The following MTA3 variants were observed in gnomAD, a reference collection of about 807,000 sequenced individuals.
MTA3 encodes metastasis-associated protein MTA3.
A neutral mutation model predicts 83.5 loss-of-function variants in MTA3; 34 were observed. The ratio of observed to expected loss-of-function variants is 0.41; its 90% CI spans 0.31 to 0.54. The LOEUF is 0.54. MTA3 is among the 20% of genes least tolerant of loss of function. The probability of loss-of-function intolerance (pLI) is 0.33; values close to 1 mark genes in which losing one functional copy is unlikely to be tolerated. For synonymous variants in MTA3, 303 were observed against 252.7 expected, an observed-to-expected ratio of 1.20 and a Z score of -1.89; for missense variants, 761 against 726.4, an observed-to-expected ratio of 1.05 and a Z score of -0.55.
At chr2:42,595,132 CAG>C (rs1380212625) in intron 3 of MTA3, among the ~76,000 whole-genome samples, 2 of 58,080 alleles carry the variant, frequency 3.4e-5, no homozygotes, top group African/African-American at 7.3e-5. Flanking sequence ...TTTTTTGAGA[CAG>C]AGTCCCGCTC....
intron 2 of MTA3, among the ~76,000 whole-genome samples, chr2:42,553,963 G>A (rs1268550413): frequency 6.6e-6 from 1 of 151,712 alleles, no homozygotes; most frequent in Non-Finnish European, 1.5e-5. Flanking sequence ...AGCGGGCATG[G>A]TGGCTCACGC....
At chr2:42,514,933 G>T (rs1039487678) in intron 2 of MTA3, among the ~76,000 whole-genome samples, 1 of 150,272 alleles carries the variant, frequency 6.7e-6, no homozygotes, top group Non-Finnish European at 1.5e-5. Flanking sequence ...TCAAGCGATT[G>T]TCCTGCCTTG....
intron 12 of MTA3, among the ~76,000 whole-genome samples, chr2:42,707,270 G>T (rs186248007): frequency 6.6e-6 from 1 of 151,306 alleles, no homozygotes; most frequent in East Asian, 1.9e-4. Flanking sequence ...TTGAGATGGA[G>T]CCTCACTCTG....
At position 42,754,394 on chromosome 2, in the gene MTA3, C is replaced by T. The variant is rs183523308; in HGVS notation, c.*995C>T. On this transcript the variant is annotated 3_prime_UTR_variant, in exon 17 of 17. Transcript: ENST00000405094. Reference sequence around the variant, plus strand: ...CATGACCCCCACCCCTCCAGCCCAACATCTTGTGAGCACATGTGACCTAGG... The same window carrying T: ...CATGACCCCCACCCCTCCAGCCCAATATCTTGTGAGCACATGTGACCTAGG... 2 of 985,520 alleles carry T rather than the reference C, an allele frequency of 2.0e-6. No homozygotes were observed. Among genetic ancestry groups the T allele is most frequent in the East Asian group, 1.1e-4 (1 of 8,816 alleles). The allele number at this position is 985,520 out of a possible 1,614,324, so 61.0% of individuals were successfully genotyped here.
rs562906096 is a variant in MTA3, at chr2:42,745,878, A to G, written c.1760-7496A>G. Among the ~76,000 whole-genome samples the G allele has an allele frequency of 1.0e-4, 14 of 138,518 alleles. No individual in the cohort carries two copies. In the East Asian group the frequency reaches 2.7e-3, roughly 27 times the overall value. The allele number at this position is 138,518 out of a possible 152,430, so 90.9% of individuals were successfully genotyped here. On this transcript the variant is annotated intron_variant, in intron 16 of 16. Coordinates refer to ENST00000405094, the MANE Select transcript of MTA3 (RefSeq NM_001330442.2). ...CACCAGATGGGAATGCAGTGGCTCA[A>G]TCTTAGCTCGCTGCAACCTCTGACT...
rs187963414 is a variant in MTA3 at position 42,551,047 on chromosome 2, C to A, written c.-140-19390C>A. Among the ~76,000 whole-genome samples, 523 of 142,686 alleles carry A rather than the reference C, an allele frequency of 3.7e-3. 9 individuals carry two copies. The highest frequency in any genetic ancestry group is 0.013 in the African/African-American group (470 of 36,628). 93.6% of individuals were successfully genotyped at this position (142,686 alleles called of 152,430 possible). A position where few individuals can be genotyped will look rare whatever the true frequency, so the allele number is the denominator to read the frequency against. Reference sequence around the variant, plus strand: ...CCTGGGTGACAGAACCAGACTCTGACTAAATAAATAAATAAATAAATAAAT... The same window carrying A: ...CCTGGGTGACAGAACCAGACTCTGAATAAATAAATAAATAAATAAATAAAT... On this transcript the variant is annotated intron_variant, in intron 2 of 17. Coordinates refer to the MTA3 transcript ENST00000405592.
intron 8 of MTA3, among the ~76,000 whole-genome samples, chr2:42,660,660 C>T (rs572251778): frequency 3.3e-5 from 5 of 152,162 alleles, no homozygotes; most frequent in East Asian, 1.9e-4. Flanking sequence ...ATTTTACACA[C>T]GAGAAAACTG....
intron 5 of MTA3, 107 bp downstream of exon 5, chr2:42,640,343 A>G: frequency 1.3e-6 from 1 of 764,226 alleles, no homozygotes; most frequent in Non-Finnish European, 2.1e-6. Flanking sequence ...CCACCATTAT[A>G]TTAATAGCAG....
At chr2:42,686,581 T>A (rs1692387945) in intron 9 of MTA3, among the ~76,000 whole-genome samples, 1 of 151,878 alleles carries the variant, frequency 6.6e-6, no homozygotes, top group South Asian at 2.1e-4. Context: ...TCCCAACACT[T>A]TGGGAGGCCG....
chr2:42,711,794 G>T (rs1000797370), intron 14 of MTA3, among the ~76,000 whole-genome samples: 10 of 151,544 alleles, frequency 6.6e-5, no homozygotes, highest in Non-Finnish European at 1.5e-4. Flanking sequence ...GTGTGTGTGT[G>T]TGTGTGTGTG....
At chr2:42,592,958 C>G (rs1681213732) in intron 3 of MTA3, among the ~76,000 whole-genome samples, 1 of 151,594 alleles carries the variant, frequency 6.6e-6, no homozygotes, top group South Asian at 2.1e-4. Context: ...CGAGACCAGC[C>G]TGACCAATAT....
At chr2:42,608,090 G>A (rs1488777763) in intron 3 of MTA3, among the ~76,000 whole-genome samples, 1 of 152,182 alleles carries the variant, frequency 6.6e-6, no homozygotes, top group African/African-American at 2.4e-5. Flanking sequence ...CAGTGATTTT[G>A]GTCCTTTTTA....
intron 6 of MTA3, among the ~76,000 whole-genome samples, chr2:42,652,387 C>T (rs1024129198): frequency 2.6e-5 from 4 of 152,186 alleles, no homozygotes; most frequent in African/African-American, 7.2e-5. Context: ...CATCCCCCCA[C>T]GTAAAAGACA....
chr2:42,497,398 A>G (rs1255967997), intron 2 of MTA3, among the ~76,000 whole-genome samples: 1 of 151,960 alleles, frequency 6.6e-6, no homozygotes, highest in Admixed American at 6.6e-5. Context: ...CAGCCTGGCC[A>G]AGATGGTGAA....
Position 42,581,360 on chromosome 2 carries a change from CTTTTTTTTTT to C in MTA3, c.190+2176_190+2185del, listed in dbSNP as rs778419810. Among the ~76,000 whole-genome samples, 7 of 88,268 alleles carry C rather than the reference CTTTTTTTTTT, an allele frequency of 7.9e-5. 1 individual carries two copies. The highest frequency in any genetic ancestry group is 1.6e-4 in the Non-Finnish European group (7 of 43,962). 57.9% of individuals were successfully genotyped at this position (88,268 alleles called of 152,430 possible). On this transcript the variant is annotated intron_variant, in intron 3 of 16. Coordinates refer to ENST00000405094, the MANE Select transcript of MTA3 (RefSeq NM_001330442.2). ...AGTCACCATGCCTGGTCCCAAATTG[CTTTTTTTTTT>C]TTTTTTTTTTTTTTTCGGAGACAGG...
Position 42,754,156 on chromosome 2 carries a change from A to G in MTA3, c.*757A>G, listed in dbSNP as rs1010783386. 1.6e-5 allele frequency: 16 copies of G among 985,308 alleles called. No homozygotes were observed. The highest frequency in any genetic ancestry group is 1.7e-5 in the African/African-American group (1 of 57,230). 61.0% of individuals were successfully genotyped at this position (985,308 alleles called of 1,614,324 possible). On this transcript the variant is annotated 3_prime_UTR_variant, in exon 17 of 17. Coordinates refer to ENST00000405094, the MANE Select transcript of MTA3 (RefSeq NM_001330442.2). ...GACAGCTCCAGCAAGAGCAGTTGTT[A>G]AAAGTGCCAAGCGTGTGTATCACTG...
chr2:42,734,405 T>C (rs1668463433), intron 16 of MTA3, among the ~76,000 whole-genome samples: 1 of 151,054 alleles, frequency 6.6e-6, no homozygotes, highest in Admixed American at 6.6e-5. Flanking sequence ...TCCATCCCTT[T>C]ACTTTGTTTC....
chr2:42,547,586 C>T (rs1352142751), intron 2 of MTA3, among the ~76,000 whole-genome samples: 1 of 152,226 alleles, frequency 6.6e-6, no homozygotes, highest in Admixed American at 6.5e-5. Flanking sequence ...CCGCCAAGGC[C>T]TCTCAAAGCG....
intron 4 of MTA3, among the ~76,000 whole-genome samples, chr2:42,624,493 G>A (rs1349340644): frequency 6.6e-6 from 1 of 151,864 alleles, no homozygotes; most frequent in Non-Finnish European, 1.5e-5. Context: ...GCTAATTTTT[G>A]TATTTTCAGT....
Sources: allele counts gnomAD v4.1 joint callset (sites outside exome capture counted in the v4.1 genomes callset), GRCh38; gene constraint gnomAD v4.1.1; transcripts MANE v1.5; gene names NCBI Gene and HGNC (gene_info 2026-07-23, HGNC 2026-07-21).